SCUBE1: variants seen among roughly 807,000 people sequenced by gnomAD.
SCUBE1 encodes the protein signal peptide, CUB domain and EGF like domain containing 1, also known as signal peptide, CUB and EGF-like domain-containing protein 1.
A neutral mutation model predicts 124.4 loss-of-function variants in SCUBE1; 59 were observed. The ratio of observed to expected loss-of-function variants is 0.47; its 90% CI spans 0.38 to 0.59. The LOEUF (loss-of-function observed/expected upper bound fraction) is 0.59. Among genes scored for constraint, SCUBE1 ranks in the 20% least tolerant of loss-of-function variants. The pLI, the probability that SCUBE1 is intolerant of heterozygous loss-of-function variation, is 0.00. For synonymous variants in SCUBE1, 545 were observed against 550.9 expected (o/e 0.99, Z 0.15); for missense variants, 1,150 against 1,371.2 (o/e 0.84, Z 2.55).
chr22:43,210,815 C>T lies in SCUBE1; in HGVS notation c.2383+107G>A. 7.5e-7 allele frequency: 1 copy of T among 1,336,816 alleles called. No homozygotes were observed. The highest frequency in any genetic ancestry group is 1.1e-6 in the Non-Finnish European group (1 of 949,584). 82.8% of individuals were successfully genotyped at this position (1,336,816 alleles called of 1,614,324 possible). A position where few individuals can be genotyped will look rare whatever the true frequency, so the allele number is the denominator to read the frequency against. ...GCAGACGGGACGGAGCGGGAGGAGT[C>T]CAGTGTCCTCGTGGAGCTCGTGTGA... is the stretch of plus-strand genomic sequence containing the variant. On this transcript the variant is annotated intron_variant, in intron 18 of 21. Transcript: ENST00000360835. This position sits in a 1 kb window ranked among gnomAD's most constrained non-coding sequence, Gnocchi z 4.5.
rs1921547897 is a variant in SCUBE1 at position 43,211,434 on chromosome 22, CCT to C, written c.2222-353_2222-352del. On this transcript the variant is annotated intron_variant, in intron 17 of 21. Transcript: ENST00000360835. This position sits in a 1 kb window ranked among gnomAD's most constrained non-coding sequence, Gnocchi z 4.5. The stretch of plus-strand genomic sequence containing the variant: ...GGAAGTGGAGCCAGCTAGGCCAAAC[CCT>C]CTTTCTACAAGGTTGCTGGGGCAGG... 6.6e-6 allele frequency among the ~76,000 whole-genome samples: 1 copy of C among 151,930 alleles called. No individual in the cohort carries two copies. Among genetic ancestry groups the C allele is most frequent in the Non-Finnish European group, 1.5e-5 (1 of 68,004 alleles).
Position 43,204,145 on chromosome 22 carries a change from T to C in SCUBE1, c.2819A>G (p.Lys940Arg). Residue 940 changes from lysine (K) to arginine (R), a missense_variant, in exon 22 of 22, where the codon AAG becomes AGG. Physicochemically the swap from Lys to Arg is conservative, Grantham distance 26 (BLOSUM62 2). Coordinates refer to ENST00000360835, the MANE Select transcript of SCUBE1 (RefSeq NM_173050.5). ...GTCGAAGAGGGCCTTGATCAGCTTC[T>C]TGTCCTGTAAGATAGAGTGGGTGGG... is the stretch of plus-strand genomic sequence containing the variant. Reference protein sequence around the residue: ...SENHQEILKDKKLIKALFDVL... With the variant: ...SENHQEILKDRKLIKALFDVL... 6.2e-7 allele frequency: 1 copy of C among 1,613,856 alleles called. No individual in the cohort carries two copies. Among genetic ancestry groups the C allele is most frequent in the Non-Finnish European group, 8.5e-7 (1 of 1,179,944 alleles).
At chr22:43,303,039 T>G (rs765107945) in intron 3 of SCUBE1, among the ~76,000 whole-genome samples, 42 of 152,242 alleles carry the variant, frequency 2.8e-4, no homozygotes, top group Non-Finnish European at 3.5e-4. Context: ...ACAGGTCCTC[T>G]GGCCAGTTCA....
Position 43,325,714 on chromosome 22 carries a change from T to A in SCUBE1, c.221-5649A>T, listed in dbSNP as rs984108910. Reference sequence around the variant, plus strand: ...CCCTGTTCCTTCCCCTGCTTGGATTTTTTTTTGTTTTTAATGAAAACTCAA... The same window carrying A: ...CCCTGTTCCTTCCCCTGCTTGGATTATTTTTTGTTTTTAATGAAAACTCAA... On this transcript the variant is annotated intron_variant, in intron 2 of 21. Coordinates refer to ENST00000360835, the MANE Select transcript of SCUBE1 (RefSeq NM_173050.5). 3.9e-5 allele frequency among the ~76,000 whole-genome samples: 6 copies of A among 151,978 alleles called. No individual in the cohort carries two copies. In the East Asian group the frequency reaches 1.2e-3, roughly 29 times the overall value.
At chr22:43,333,990 C>T (rs1926981980) in intron 2 of SCUBE1, among the ~76,000 whole-genome samples, 1 of 152,210 alleles carries the variant, frequency 6.6e-6, no homozygotes, top group Non-Finnish European at 1.5e-5. Flanking sequence ...GCATGCTCTG[C>T]TGAGAGTCCA....
chr22:43,229,646 A>C (rs1025872280), intron 8 of SCUBE1, among the ~76,000 whole-genome samples: 1 of 152,112 alleles, frequency 6.6e-6, no homozygotes, highest in South Asian at 2.1e-4. Context: ...TCACCCCATG[A>C]TGTTTCTTGA....
intron 2 of SCUBE1, among the ~76,000 whole-genome samples, chr22:43,330,899 T>G (rs76263134): frequency 3.3e-5 from 5 of 152,208 alleles, no homozygotes; most frequent in Non-Finnish European, 5.9e-5. Context: ...CACGTTAGCA[T>G]GCATAATTGC....
chr22:43,262,980 C>T (rs935846694), intron 4 of SCUBE1, 135 bp from the exon 5 acceptor site: 25 of 864,532 alleles, frequency 2.9e-5, no homozygotes, highest in East Asian at 2.3e-4. Flanking sequence ...TGCACACACA[C>T]GCACTTGCGC....
At chr22:43,251,684 C>T (rs912994738) in intron 6 of SCUBE1, among the ~76,000 whole-genome samples, 1 of 152,176 alleles carries the variant, frequency 6.6e-6, no homozygotes, top group Non-Finnish European at 1.5e-5. Flanking sequence ...ACCCCTGGAG[C>T]CTCCAGAAGG....
chr22:43,294,200 C>T (rs964524261), intron 3 of SCUBE1, among the ~76,000 whole-genome samples: 1 of 152,226 alleles, frequency 6.6e-6, no homozygotes. Flanking sequence ...CAGGCCTCAC[C>T]CCCGGCCCCC....
intron 12 of SCUBE1, 89 bp from the exon 13 acceptor site, chr22:43,221,378 T>G: frequency 1.4e-6 from 1 of 709,994 alleles, no homozygotes; most frequent in Non-Finnish European, 2.5e-6. Flanking sequence ...GACAAATCCA[T>G]CTGGAGCTGG....
At chr22:43,297,373 T>G (rs1925602704) in intron 3 of SCUBE1, among the ~76,000 whole-genome samples, 1 of 152,252 alleles carries the variant, frequency 6.6e-6, no homozygotes, top group South Asian at 2.1e-4. Context: ...CCACAGGGTC[T>G]CTGGGGTCAG....
chr22:43,288,555 C>T (rs1255800791), intron 4 of SCUBE1, among the ~76,000 whole-genome samples: 1 of 152,232 alleles, frequency 6.6e-6, no homozygotes, highest in African/African-American at 2.4e-5. Context: ...TTTTCACGTG[C>T]CCATTCCCAC....
chr22:43,342,920 G>A (rs1012607765), intron 1 of SCUBE1, among the ~76,000 whole-genome samples: 1 of 151,618 alleles, frequency 6.6e-6, no homozygotes, highest in East Asian at 2.0e-4. Flanking sequence ...TCGCTCCCGC[G>A]CTCGCGCTTC....
At chr22:43,220,728 G>C (rs1922054188) in intron 13 of SCUBE1, 141 bp from the exon 14 acceptor site, 3 of 1,074,778 alleles carry the variant, frequency 2.8e-6, no homozygotes, top group Non-Finnish European at 3.9e-6. Flanking sequence ...GAGAAGGTCA[G>C]GGCTGGCTCG....
chr22:43,273,413 C>A (rs1455221530), intron 4 of SCUBE1, among the ~76,000 whole-genome samples: 1 of 152,102 alleles, frequency 6.6e-6, no homozygotes, highest in Non-Finnish European at 1.5e-5. Flanking sequence ...TTTGCAGAGC[C>A]ACAGAAAGCT....
intron 16 of SCUBE1, 43 bp downstream of exon 16, chr22:43,214,047 G>GGGCCCC: frequency 2.1e-5 from 3 of 143,440 alleles, no homozygotes; most frequent in East Asian, 2.8e-4. Context: ...AGGAGCCCCC[G>GGGCCCC]CCCACCCCCC....
In SCUBE1 at chr22:43,332,561, T is replaced by TG. The variant is rs969285893; in HGVS notation, c.220+6542dup. ...CCTGATGCTGGGACCCCTTGGCTGG[T>TG]GGGGGACGAAACCCAGGCCCTGCTC... is the stretch of plus-strand genomic sequence containing the variant. On this transcript the variant is annotated intron_variant, in intron 2 of 21. Transcript: ENST00000360835. 5.3e-5 allele frequency among the ~76,000 whole-genome samples: 8 copies of TG among 152,172 alleles called. 1 individual carries two copies. Among genetic ancestry groups the TG allele is most frequent in the East Asian group, 1.9e-4 (1 of 5,162 alleles).
At chr22:43,233,049 C>T (rs980713431) in intron 7 of SCUBE1, among the ~76,000 whole-genome samples, 11 of 152,202 alleles carry the variant, frequency 7.2e-5, no homozygotes, top group African/African-American at 2.4e-4. Flanking sequence ...TTTATTTCTA[C>T]ACTGCAGGGT....
Sources: gnomAD v4.1 joint callset for allele counts (sites outside exome capture counted in the v4.1 genomes callset) on GRCh38, gnomAD v4.1.1 for gene constraint, Gnocchi (gnomAD v3.1) non-coding constraint, MANE v1.5 for transcripts, NCBI Gene and HGNC (gene_info 2026-07-23, HGNC 2026-07-21) for gene names.